Variants in TCF7L2 observed in about 807,000 individuals in gnomAD.
The protein encoded by TCF7L2 is transcription factor 7-like 2.
A neutral mutation model predicts 77.9 loss-of-function variants in TCF7L2; 23 were observed. The observed-to-expected ratio is 0.30, with a 90% CI of 0.21 to 0.42. The LOEUF (loss-of-function observed/expected upper bound fraction) is 0.42. TCF7L2 is among the 10% of genes least tolerant of loss of function. TCF7L2 has a pLI of 1.00. For missense variants in TCF7L2, 654 were observed against 793.1 expected, an observed-to-expected ratio of 0.82 and a Z score of 2.11; for synonymous variants, 413 against 340.2, an observed-to-expected ratio of 1.21 and a Z score of -2.36.
rs1163724792 is a variant in TCF7L2 at position 113,144,110 on chromosome 10, GTGTGTGTGTGTGTGTGTGTGTGTGTGTA to G, written c.788+97_788+124del. ...ATTCTGTGTGTGTGTCTGTGTGTGT[GTGTGTGTGTGTGTGTGTGTGTGTGTGTA>G]TGTGTGTGTGTTAGAAGCCAGGGTT... is the stretch of plus-strand genomic sequence containing the variant. On this transcript the variant is annotated intron_variant, in intron 7 of 13. Transcript: ENST00000627217. The G allele has an allele frequency of 3.7e-5, 18 of 487,188 alleles. No individual in the cohort carries two copies. The African/African-American group carries it at 4.2e-4, about 11-fold the overall frequency. The allele number at this position is 487,188 out of a possible 1,614,324, so 30.2% of individuals were successfully genotyped here.
At chr10:112,965,685 G>A (rs955961386) in intron 4 of TCF7L2, among the ~76,000 whole-genome samples, 1 of 148,138 alleles carries the variant, frequency 6.8e-6, no homozygotes, top group African/African-American at 2.5e-5. Context: ...GTGGTCTTAG[G>A]TAGCTGCAGC....
chr10:112,969,967 G>A (rs761544616), intron 4 of TCF7L2, among the ~76,000 whole-genome samples: 1 of 152,178 alleles, frequency 6.6e-6, no homozygotes, highest in African/African-American at 2.4e-5. Context: ...GATGAAGGTC[G>A]AGACCCACAG....
intron 3 of TCF7L2, among the ~76,000 whole-genome samples, chr10:112,960,691 G>GT (rs11440022): frequency 0.4 from 57,154 of 144,578 alleles, 12,489 homozygotes; most frequent in African/African-American, 0.61. Flanking sequence ...ATGGGAACCT[G>GT]TTTTTTTTTT....
intron 4 of TCF7L2, among the ~76,000 whole-genome samples, chr10:112,983,964 G>A (rs1331619763): frequency 2.0e-5 from 3 of 152,188 alleles, no homozygotes; most frequent in Non-Finnish European, 4.4e-5. Context: ...CAAGAGTGGT[G>A]AAGACATAAC....
intron 4 of TCF7L2, among the ~76,000 whole-genome samples, chr10:113,001,963 A>C (rs1455363923): frequency 1.3e-5 from 2 of 152,146 alleles, no homozygotes; most frequent in Non-Finnish European, 2.9e-5. Context: ...AGGCTACGAG[A>C]CGTGAGGCAA....
chr10:113,118,893 G>A lies in TCF7L2; in HGVS notation c.553-22291G>A, dbSNP rs2064311396. Among the ~76,000 whole-genome samples the A allele has an allele frequency of 4.0e-5, 6 of 151,892 alleles. 2 individuals are homozygous for A. The South Asian group carries it at 1.3e-3, about 32-fold the overall frequency. On this transcript the variant is annotated intron_variant, in intron 5 of 13. Coordinates refer to ENST00000627217, the MANE Select transcript of TCF7L2 (RefSeq NM_001146274.2). ...CTAGATGATAAATTTAATTTTCTTT[G>A]CTATTTGGAGGTCTTCTTTGAAAAT... is the stretch of plus-strand genomic sequence containing the variant.
intron 5 of TCF7L2, among the ~76,000 whole-genome samples, chr10:113,064,998 C>A (rs1455147775): frequency 6.6e-6 from 1 of 152,306 alleles, no homozygotes; most frequent in East Asian, 1.9e-4. Context: ...CATATTCACC[C>A]AGAGACCAGA....
intron 3 of TCF7L2, among the ~76,000 whole-genome samples, chr10:112,959,752 G>A (rs1340229797): frequency 1.3e-5 from 2 of 152,112 alleles, no homozygotes; most frequent in East Asian, 3.9e-4. Context: ...AATGTAAAAG[G>A]CTCTCAACAC....
intron 5 of TCF7L2, chr10:113,133,143 A>G (rs767933230): frequency 6.6e-6 from 1 of 152,188 alleles, no homozygotes; most frequent in Non-Finnish European, 1.5e-5. Context: ...ACTGGAAGTA[A>G]TTGTTCAAGA....
chr10:113,160,647 A>G lies in TCF7L2; in HGVS notation c.1347A>G (p.Ala449=), dbSNP rs2137463861. ...CAAATACTCCAAAGAAGTGTCGGGC[A>G]CTGTTCGGGCTTGACCGACAGACTT... The change falls in exon 13 of 14, where the codon GCA becomes GCG. Residue 449 remains alanine, a synonymous_variant. Coordinates refer to ENST00000627217, the MANE Select transcript of TCF7L2 (RefSeq NM_001146274.2). 1 of 1,598,136 alleles carries G rather than the reference A, an allele frequency of 6.3e-7. No individual in the cohort carries two copies. The highest frequency in any genetic ancestry group is 1.1e-5 in the South Asian group (1 of 87,624).
chr10:112,967,882 G>T (rs1324357201), intron 4 of TCF7L2, among the ~76,000 whole-genome samples: 1 of 152,172 alleles, frequency 6.6e-6, no homozygotes, highest in Non-Finnish European at 1.5e-5. Context: ...TGATCCTCCT[G>T]CCTCGGCCTC....
chr10:113,100,708 T>C (rs1023416958), intron 5 of TCF7L2, among the ~76,000 whole-genome samples: 4 of 152,176 alleles, frequency 2.6e-5, no homozygotes, highest in African/African-American at 4.8e-5. Context: ...TGGAGGAGTA[T>C]ACGGGATTCT....
At chr10:113,101,909 CG>C (rs1222847158) in intron 5 of TCF7L2, among the ~76,000 whole-genome samples, 1 of 142,206 alleles carries the variant, frequency 7.0e-6, no homozygotes, top group Non-Finnish European at 1.5e-5. Context: ...GAGGCCAAGG[CG>C]GGTGGATTGC....
intron 5 of TCF7L2, among the ~76,000 whole-genome samples, chr10:113,133,512 G>A (rs2066923770): frequency 6.6e-6 from 1 of 152,136 alleles, no homozygotes; most frequent in Admixed American, 6.5e-5. Context: ...TTACCAGCTG[G>A]GTGGTTATAG....
intron 4 of TCF7L2, among the ~76,000 whole-genome samples, chr10:113,009,662 A>G (rs775393894): frequency 3.3e-5 from 5 of 152,202 alleles, no homozygotes; most frequent in Admixed American, 2.0e-4. Context: ...TGATGCTCAC[A>G]TGACGTCCCT....
At chr10:113,085,227 T>A (rs1014867194) in intron 5 of TCF7L2, among the ~76,000 whole-genome samples, 1 of 74,366 alleles carries the variant, frequency 1.3e-5, no homozygotes, top group African/African-American at 3.8e-5. Context: ...CATCTGGCTA[T>A]TTTTTTTTTT....
chr10:113,004,109 A>G (rs1010519463), intron 4 of TCF7L2, among the ~76,000 whole-genome samples: 16 of 152,178 alleles, frequency 1.1e-4, no homozygotes, highest in African/African-American at 3.6e-4. Context: ...GACTGAGAAG[A>G]GATTCCACCA....
intron 12 of TCF7L2, 54 bp downstream of exon 14, chr10:113,160,046 C>A: frequency 2.0e-6 from 3 of 1,512,410 alleles, no homozygotes; most frequent in Non-Finnish European, 2.8e-6. Flanking sequence ...TCTATTCGAT[C>A]CTCTCCCCCT....
chr10:113,063,279 T>A (rs113245591), intron 5 of TCF7L2, among the ~76,000 whole-genome samples: 1,946 of 152,334 alleles, frequency 0.013, 21 homozygotes, highest in Non-Finnish European at 0.021. Flanking sequence ...TACTCTCTGA[T>A]GATAGGCTAA....
Sources: allele counts gnomAD v4.1 joint callset (sites outside exome capture counted in the v4.1 genomes callset), GRCh38; gene constraint gnomAD v4.1.1; transcripts MANE v1.5; gene names NCBI Gene and HGNC (gene_info 2026-07-23, HGNC 2026-07-21).